ITGAE: variants seen among roughly 807,000 people sequenced by gnomAD.
ITGAE encodes integrin alpha-E.
Under a neutral mutation model 136.5 loss-of-function variants are expected in ITGAE, and 99 were observed. The observed-to-expected ratio is 0.73, with a 90% CI of 0.62 to 0.86. ITGAE has a LOEUF of 0.86. Among genes scored for constraint, ITGAE ranks in the 40% least tolerant of loss-of-function variants. ITGAE has a pLI of 0.00. For missense variants in ITGAE, 1,447 were observed against 1,515.3 expected, an observed-to-expected ratio of 0.95 and a Z score of 0.75; for synonymous variants, 613 against 591.8, an observed-to-expected ratio of 1.04 and a Z score of -0.52.
chr17:3,731,064 G>T (rs1395080643), intron 23 of ITGAE, 40 bp downstream of exon 23: 2 of 1,522,276 alleles, frequency 1.3e-6, no homozygotes, highest in South Asian at 1.1e-5. Context: ...TGTCTTCCGG[G>T]GTCATAGCCT....
rs544378383 is a variant in ITGAE, at chr17:3,799,961, A to G, written c.34+1150T>C. ...TGGTGAGACCCTGTCTCTACTAAAA[A>G]TACAAAAATTAGCCAGGCGTGGTGG... On this transcript the variant is annotated intron_variant, in intron 1 of 30. Transcript: ENST00000263087. The surrounding 1 kb of genome is among the most constrained non-coding windows in gnomAD (Gnocchi z 4.1). Among the ~76,000 whole-genome samples the G allele has an allele frequency of 1.1e-4, 17 of 152,230 alleles. No individual in the cohort carries two copies. The highest frequency in any genetic ancestry group is 3.9e-4 in the African/African-American group (16 of 41,534).
chr17:3,755,728 G>A, intron 11 of ITGAE, 102 bp downstream of exon 11: 1 of 866,450 alleles, frequency 1.2e-6, no homozygotes, highest in Non-Finnish European at 1.8e-6. Context: ...ATCACCACAG[G>A]TAGGGCAGAG....
intron 1 of ITGAE, among the ~76,000 whole-genome samples, chr17:3,797,674 T>C (rs2053154592): frequency 6.6e-6 from 1 of 151,614 alleles, no homozygotes. Context: ...TTGGCCAGGA[T>C]GGTCTTGAAC....
At chr17:3,751,550 G>A in intron 15 of ITGAE, 100 bp downstream of exon 15, 1 of 1,090,274 alleles carries the variant, frequency 9.2e-7, no homozygotes, top group Non-Finnish European at 1.4e-6. Flanking sequence ...CCCGAGACCT[G>A]CCCAGCACTT....
chr17:3,799,573 T>G lies in ITGAE; in HGVS notation c.34+1538A>C, dbSNP rs931015557. 6.6e-6 allele frequency among the ~76,000 whole-genome samples: 1 copy of G among 152,032 alleles called. No homozygotes were observed. The highest frequency in any genetic ancestry group is 2.1e-4 in the South Asian group (1 of 4,816). ...AGCCTCGTGTCTATTATCAGTTGCT[T>G]GCAAGCCTGGGTAGTCACTGCCCGC... On this transcript the variant is annotated intron_variant, in intron 1 of 30. Transcript: ENST00000263087. The surrounding 1 kb of genome is among the most constrained non-coding windows in gnomAD (Gnocchi z 4.1).
chr17:3,777,789 T>A (rs2052579088), intron 1 of ITGAE, 129 bp from the exon 2 acceptor site: 1 of 1,107,548 alleles, frequency 9.0e-7, no homozygotes, highest in Non-Finnish European at 1.2e-6. Flanking sequence ...TTTATGTGTG[T>A]GTGAGAGAGA....
intron 20 of ITGAE, among the ~76,000 whole-genome samples, chr17:3,737,222 G>A (rs1296984097): frequency 6.6e-6 from 1 of 152,246 alleles, no homozygotes; most frequent in Non-Finnish European, 1.5e-5. Context: ...GAAGCCGGGA[G>A]GCGGAGGTTG....
In ITGAE at chr17:3,775,414, T is replaced by A. The variant is rs948182299; in HGVS notation, c.155+2126A>T. Among the ~76,000 whole-genome samples the A allele has an allele frequency of 7.2e-5, 11 of 152,228 alleles. No homozygotes were observed. In the South Asian group the frequency reaches 8.3e-4, roughly 11 times the overall value. ...TTTCCCATTTTCCTAAGAGGAATAT[T>A]GCCAGTCTTTCATGATTCCAAACAA... On this transcript the variant is annotated intron_variant, in intron 2 of 30. Coordinates refer to ENST00000263087, the MANE Select transcript of ITGAE (RefSeq NM_002208.5).
At chr17:3,777,782 A>G in intron 1 of ITGAE, 122 bp from the exon 2 acceptor site, 4 of 1,173,896 alleles carry the variant, frequency 3.4e-6, no homozygotes, top group South Asian at 3.0e-5. Context: ...AGGGATCTTT[A>G]TGTGTGTGTG....
intron 20 of ITGAE, among the ~76,000 whole-genome samples, chr17:3,739,333 G>C (rs142579694): frequency 6.6e-6 from 1 of 152,230 alleles, no homozygotes; most frequent in African/African-American, 2.4e-5. Context: ...CACCAGGAGG[G>C]CAGGGATTTT....
At chr17:3,732,272 C>T (rs1336829216) in intron 22 of ITGAE, 96 bp downstream of exon 22, 9 of 950,840 alleles carry the variant, frequency 9.5e-6, no homozygotes, top group Non-Finnish European at 1.4e-5. Flanking sequence ...TCAAGCGAAG[C>T]GCAAAGCTGG....
chr17:3,771,555 GGA>G (rs2052423849), intron 2 of ITGAE, among the ~76,000 whole-genome samples: 1 of 54,406 alleles, frequency 1.8e-5, no homozygotes. Context: ...TTTTTTTTTT[GGA>G]GAGACAGAGT....
intron 2 of ITGAE, among the ~76,000 whole-genome samples, chr17:3,774,321 A>G (rs2052491722): frequency 6.6e-6 from 1 of 152,194 alleles, no homozygotes; most frequent in Non-Finnish European, 1.5e-5. Flanking sequence ...GCTCAGTGGG[A>G]GAGTATGCAC....
chr17:3,796,255 CA>C (rs538714507), intron 1 of ITGAE, among the ~76,000 whole-genome samples: 64 of 151,890 alleles, frequency 4.2e-4, no homozygotes, highest in African/African-American at 1.4e-3. Context: ...CCAGGTCTGC[CA>C]GGCCTGGCTC....
chr17:3,755,401 A>G (rs1445825438), intron 11 of ITGAE, 140 bp from the exon 12 acceptor site: 1 of 1,019,992 alleles, frequency 9.8e-7, no homozygotes, highest in Non-Finnish European at 1.4e-6. Flanking sequence ...GCCTGGCCAG[A>G]GATGCAGGCG....
At position 3,798,584 on chromosome 17, in the gene ITGAE, G is replaced by GT. The variant is rs34776202; in HGVS notation, c.34+2526dup. On this transcript the variant is annotated intron_variant, in intron 1 of 30. Transcript: ENST00000263087. The surrounding 1 kb of genome is among the most constrained non-coding windows in gnomAD (Gnocchi z 4.3). ...AGTCTCCCACTCCCCAAGGACTGAG[G>GT]TTTTCTATCACGCACAGGCCCGGGG... Among the ~76,000 whole-genome samples, 1 of 152,192 alleles carries GT rather than the reference G, an allele frequency of 6.6e-6. No homozygotes were observed. The highest frequency in any genetic ancestry group is 2.4e-5 in the African/African-American group (1 of 41,442).
intron 27 of ITGAE, 23 bp downstream of exon 27, chr17:3,723,665 C>T (rs753417123): frequency 1.3e-6 from 2 of 1,569,222 alleles, no homozygotes; most frequent in South Asian, 2.3e-5. Context: ...CCTCCCCTGG[C>T]CTCTCGGGAC....
rs2051229166 is a variant in ITGAE at position 3,727,010 on chromosome 17, G to GT, written c.3084+908dup. Among the ~76,000 whole-genome samples the GT allele has an allele frequency of 2.0e-5, 3 of 152,020 alleles. No individual in the cohort carries two copies. In the South Asian group the frequency reaches 6.2e-4, roughly 32 times the overall value. Reference sequence around the variant, plus strand: ...CCCAAAGTGCTGGGTGATTACAGGAGTGAGCCATGGCACCTGACCTATAAG... The same window carrying GT: ...CCCAAAGTGCTGGGTGATTACAGGAGTTGAGCCATGGCACCTGACCTATAAG... On this transcript the variant is annotated intron_variant, in intron 26 of 30. Coordinates refer to ENST00000263087, the MANE Select transcript of ITGAE (RefSeq NM_002208.5).
At chr17:3,749,416 C>A (rs150541436) in intron 16 of ITGAE, among the ~76,000 whole-genome samples, 2,682 of 152,208 alleles carry the variant, frequency 0.018, 23 homozygotes, top group Non-Finnish European at 0.028. Context: ...CCATGCCCGG[C>A]TAATTTTTTG....
Sources: gnomAD v4.1 joint callset for allele counts (sites outside exome capture counted in the v4.1 genomes callset) on GRCh38, gnomAD v4.1.1 for gene constraint, Gnocchi (gnomAD v3.1) non-coding constraint, MANE v1.5 for transcripts, NCBI Gene and HGNC (gene_info 2026-07-23, HGNC 2026-07-21) for gene names.